CHRM1: variants seen among roughly 807,000 people sequenced by gnomAD.
The protein encoded by CHRM1 is muscarinic acetylcholine receptor M1.
Under a neutral mutation model 31.6 loss-of-function variants are expected in CHRM1, and 5 were observed. The observed-to-expected ratio is 0.16, with a 90% confidence interval of 0.08 to 0.33. The LOEUF is 0.33. Among genes scored for constraint, CHRM1 ranks in the 10% least tolerant of loss-of-function variants. The pLI, the probability that CHRM1 is intolerant of heterozygous loss-of-function variation, is 1.00. For missense variants in CHRM1, 338 were observed against 610.3 expected (o/e 0.55, Z 4.70); for synonymous variants, 227 against 249.7 (o/e 0.91, Z 0.86).
intron 1 of CHRM1, among the ~76,000 whole-genome samples, chr11:62,919,575 C>T (rs2085920042): frequency 6.6e-6 from 1 of 152,114 alleles, no homozygotes; most frequent in African/African-American, 2.4e-5. Flanking sequence ...TGGCTCCTTG[C>T]ACTCTCCTCC....
intron 1 of CHRM1, among the ~76,000 whole-genome samples, chr11:62,913,010 G>A (rs777210467): frequency 1.6e-4 from 24 of 152,194 alleles, no homozygotes; most frequent in Admixed American, 2.6e-4. Flanking sequence ...AGCGTGGCGA[G>A]TTCAGTGGGG....
rs1179988884 is a variant in CHRM1 at position 62,910,930 on chromosome 11, C to T, written c.171G>A (p.Lys57=). 1 of 1,614,186 alleles carries T rather than the reference C, an allele frequency of 6.2e-7. No homozygotes were observed. Among genetic ancestry groups the T allele is most frequent in the South Asian group, 1.1e-5 (1 of 91,082 alleles). The change falls in exon 2 of 2, where the codon AAG becomes AAA. Residue 57 remains lysine, a synonymous_variant. Transcript: ENST00000306960. The surrounding 1 kb of genome is among the most constrained non-coding windows in gnomAD (Gnocchi z 8.7). Reference sequence around the variant, plus strand: ...TCAGCAGGAAGTAGTTATTGACTGTCTTGAGCTCCGTGTTGACCTTGAAAG... The same window carrying T: ...TCAGCAGGAAGTAGTTATTGACTGTTTTGAGCTCCGTGTTGACCTTGAAAG... The part of the protein sequence containing the change: ...LISFKVNTEL[K]TVNNYFLLSL...
chr11:62,918,596 C>T (rs1460618150), intron 1 of CHRM1, among the ~76,000 whole-genome samples: 2 of 152,206 alleles, frequency 1.3e-5, no homozygotes, highest in African/African-American at 4.8e-5. Flanking sequence ...CCTCACCCGG[C>T]TGCAGGGAAG....
At position 62,911,175 on chromosome 11, in the gene CHRM1, T is replaced by A; in HGVS notation, c.-75A>T. The A allele has an allele frequency of 7.0e-7, 1 of 1,431,686 alleles. No homozygotes were observed. Among genetic ancestry groups the A allele is most frequent in the Non-Finnish European group, 9.6e-7 (1 of 1,047,014 alleles). The allele number at this position is 1,431,686 out of a possible 1,614,324, so 88.7% of individuals were successfully genotyped here. On this transcript the variant is annotated 5_prime_UTR_variant, in exon 2 of 2. It removes an upstream start codon present in the reference 5' UTR. Transcript: ENST00000306960. ...ACAGGGCTTCCTCAGGGGAAAGTCA[T>A]CACCTGAAAAGAGAGGACATGGGCT...
chr11:62,910,661 C>T lies in CHRM1; in HGVS notation c.440G>A (p.Gly147Asp), dbSNP rs2085865884. 6.2e-7 allele frequency: 1 copy of T among 1,614,046 alleles called. No homozygotes were observed. Among genetic ancestry groups the T allele is most frequent in the Admixed American group, 1.7e-5 (1 of 60,012 alleles). ...RTPRRAALMIGLAWLVSFVLW... is the reference protein window; with the variant it reads ...RTPRRAALMIDLAWLVSFVLW... ...CACAAAGGAAACCAGCCAGGCCAGGCCGATCATCAGAGCTGCCCGGCGGGG... is the reference window on the plus strand; with the variant it reads ...CACAAAGGAAACCAGCCAGGCCAGGTCGATCATCAGAGCTGCCCGGCGGGG... The change falls in exon 2 of 2, where the codon GGC becomes GAC. Residue 147 changes from glycine to aspartate, a missense_variant. Around this residue, in one of 4 missense-constraint regions of CHRM1, gnomAD observed 85 missense variants for 257.7 expected, o/e 0.33. Transcript: ENST00000306960. This position sits in a 1 kb window ranked among gnomAD's most constrained non-coding sequence, Gnocchi z 8.7.
intron 1 of CHRM1, 27 bp from the exon 2 acceptor site, chr11:62,911,205 T>A: frequency 3.6e-6 from 4 of 1,111,468 alleles, no homozygotes; most frequent in Non-Finnish European, 5.1e-6. Context: ...TGGGCTTTGG[T>A]TGGGCCACTG....
rs72931334 is a variant in CHRM1 at position 62,919,155 on chromosome 11, C to T, written c.-79+2063G>A. ...GCCTGACCCCAGAAGCCAGCCCATA[C>T]GAGGCAGCTCTCCCCTCGGGGTTAA... On this transcript the variant is annotated intron_variant, in intron 1 of 1. Coordinates refer to ENST00000306960, the MANE Select transcript of CHRM1 (RefSeq NM_000738.3). Among the ~76,000 whole-genome samples the T allele has an allele frequency of 8.1e-3, 1,229 of 152,212 alleles. 8 individuals are homozygous for T. The highest frequency in any genetic ancestry group is 0.041 in the Middle Eastern group (12 of 294).
Position 62,910,399 on chromosome 11 carries a change from C to T in CHRM1, c.702G>A (p.Gly234=). Residue 234 remains glycine, a synonymous_variant, in exon 2 of 2, where the codon GGG becomes GGA. Transcript: ENST00000306960. The surrounding 1 kb of genome is among the most constrained non-coding windows in gnomAD (Gnocchi z 8.7). ...TCTCTGAGCTGCTGCTGCTGCCACC[C>T]CCTTTGCCTGGCGTCTCGGAGCCCT... ...ALQGSETPGK[G]GGSSSSSERS... 6.2e-7 allele frequency: 1 copy of T among 1,611,868 alleles called. No homozygotes were observed. The highest frequency in any genetic ancestry group is 8.5e-7 in the Non-Finnish European group (1 of 1,180,014).
In CHRM1 at chr11:62,912,295, G is replaced by T. The variant is rs551460094; in HGVS notation, c.-78-1117C>A. ...AGGCAGGAGAATCGTTTGAACCTGGGAGGCGGAGGTTGCAGTGAGTCAAGA... is the reference window on the plus strand; with the variant it reads ...AGGCAGGAGAATCGTTTGAACCTGGTAGGCGGAGGTTGCAGTGAGTCAAGA... On this transcript the variant is annotated intron_variant, in intron 1 of 1. Transcript: ENST00000306960. Among the ~76,000 whole-genome samples the T allele has an allele frequency of 1.1e-4, 17 of 150,556 alleles. No homozygotes were observed. The South Asian group carries it at 2.3e-3, about 21-fold the overall frequency.
chr11:62,916,046 G>A (rs566984265), intron 1 of CHRM1, among the ~76,000 whole-genome samples: 2 of 152,208 alleles, frequency 1.3e-5, no homozygotes, highest in East Asian at 3.9e-4. Context: ...CTGACCTCAG[G>A]TGATCCACCT....
In CHRM1 at chr11:62,910,699, A is replaced by T; in HGVS notation, c.402T>A (p.Arg134=). The T allele has an allele frequency of 6.2e-7, 1 of 1,614,100 alleles. No individual in the cohort carries two copies. The highest frequency in any genetic ancestry group is 8.5e-7 in the Non-Finnish European group (1 of 1,179,994). ...CTGCCCGGCGGGGTGTGCGCTTGGCACGGTAGCTCAGGGGCCGAGTCACGG... is the reference window on the plus strand; with the variant it reads ...CTGCCCGGCGGGGTGTGCGCTTGGCTCGGTAGCTCAGGGGCCGAGTCACGG... The part of the protein sequence containing the change: ...YFSVTRPLSY[R]AKRTPRRAAL... Residue 134 remains arginine (R), a synonymous_variant, in exon 2 of 2, where the codon CGT becomes CGA. Coordinates refer to ENST00000306960, the MANE Select transcript of CHRM1 (RefSeq NM_000738.3). This position sits in a 1 kb window ranked among gnomAD's most constrained non-coding sequence, Gnocchi z 8.7.
At position 62,909,355 on chromosome 11, in the gene CHRM1, A is replaced by C; in HGVS notation, c.*363T>G. 1 of 222,558 alleles carries C rather than the reference A, an allele frequency of 4.5e-6. No individual in the cohort carries two copies. The highest frequency in any genetic ancestry group is 8.9e-6 in the Non-Finnish European group (1 of 112,434). 13.8% of individuals were successfully genotyped at this position (222,558 alleles called of 1,614,324 possible). A position where few individuals can be genotyped will look rare whatever the true frequency, so the allele number is the denominator to read the frequency against. On this transcript the variant is annotated 3_prime_UTR_variant, in exon 2 of 2. Coordinates refer to ENST00000306960, the MANE Select transcript of CHRM1 (RefSeq NM_000738.3). ...CGCAATCTGGGCCGCTGCTGGGCCA[A>C]GGAATACTTAATGTTAAGCCTTCTT...
Position 62,910,747 on chromosome 11 carries a change from G to C in CHRM1, c.354C>G (p.Leu118=). ...ASNASVMNLL[L]ISFDRYFSVT... The stretch of plus-strand genomic sequence containing the variant: ...CGGAGAAGTAGCGGTCAAAGCTGAT[G>C]AGCAGCAGATTCATGACGGAGGCAT... Residue 118 remains leucine, a synonymous_variant, in exon 2 of 2, where the codon CTC becomes CTG. Transcript: ENST00000306960. This position sits in a 1 kb window ranked among gnomAD's most constrained non-coding sequence, Gnocchi z 8.7. 1 of 1,614,184 alleles carries C rather than the reference G, an allele frequency of 6.2e-7. No homozygotes were observed. Among genetic ancestry groups the C allele is most frequent in the African/African-American group, 1.3e-5 (1 of 75,050 alleles).
At position 62,910,390 on chromosome 11, in the gene CHRM1, G is replaced by A. The variant is rs2085864066; in HGVS notation, c.711C>T (p.Ser237=). The A allele has an allele frequency of 6.2e-7, 1 of 1,611,002 alleles. No homozygotes were observed. The highest frequency in any genetic ancestry group is 1.3e-5 in the African/African-American group (1 of 74,932). The part of the protein sequence containing the change: ...GSETPGKGGG[S]SSSSERSQPG... ...GCTGAGACCTCTCTGAGCTGCTGCT[G>A]CTGCCACCCCCTTTGCCTGGCGTCT... Residue 237 remains serine (S), a synonymous_variant, in exon 2 of 2, where the codon AGC becomes AGT. Transcript: ENST00000306960. The surrounding 1 kb of genome is among the most constrained non-coding windows in gnomAD (Gnocchi z 8.7).
In CHRM1 at chr11:62,917,476, T is replaced by C. The variant is rs369267094; in HGVS notation, c.-79+3742A>G. On this transcript the variant is annotated intron_variant, in intron 1 of 1. Transcript: ENST00000306960. The stretch of plus-strand genomic sequence containing the variant: ...GGCAGTCCTTGGCACTGCCTCTGCC[T>C]AGCTGCCAGCTCTTGTCTTGCTATG... Among the ~76,000 whole-genome samples the C allele has an allele frequency of 2.1e-4, 32 of 152,324 alleles. No homozygotes were observed. The East Asian group carries it at 2.3e-3, about 11-fold the overall frequency.
At position 62,911,109 on chromosome 11, in the gene CHRM1, G is replaced by A. The variant is rs768947856; in HGVS notation, c.-9C>T. On this transcript the variant is annotated 5_prime_UTR_variant, in exon 2 of 2. Coordinates refer to ENST00000306960, the MANE Select transcript of CHRM1 (RefSeq NM_000738.3). ...GGGGCTGAAGTGTTCATGGTGGCTAGGTGGGGCTGGGGTTGGAGAGCCCCT... is the reference window on the plus strand; with the variant it reads ...GGGGCTGAAGTGTTCATGGTGGCTAAGTGGGGCTGGGGTTGGAGAGCCCCT... 1.4e-5 allele frequency: 22 copies of A among 1,611,392 alleles called. No homozygotes were observed. In the South Asian group the frequency reaches 1.4e-4, roughly 10 times the overall value.
rs1335535347 is a variant in CHRM1, at chr11:62,909,970, G to A, written c.1131C>T (p.Thr377=). 6.2e-7 allele frequency: 1 copy of A among 1,614,190 alleles called. No individual in the cohort carries two copies. The change falls in exon 2 of 2, where the codon ACC becomes ACT. Residue 377 remains threonine, a synonymous_variant. Coordinates refer to ENST00000306960, the MANE Select transcript of CHRM1 (RefSeq NM_000738.3). ...LSAILLAFIL[T]WTPYNIMVLV... ...GCACCATGATGTTGTACGGTGTCCAGGTGAGGATGAAGGCCAGGAGGATGG... is the reference window on the plus strand; with the variant it reads ...GCACCATGATGTTGTACGGTGTCCAAGTGAGGATGAAGGCCAGGAGGATGG...
intron 1 of CHRM1, among the ~76,000 whole-genome samples, chr11:62,911,621 T>C (rs1188264527): frequency 6.6e-6 from 1 of 152,214 alleles, no homozygotes; most frequent in East Asian, 1.9e-4. Flanking sequence ...AAATGAATTA[T>C]CTAATTTAAC....
Position 62,911,049 on chromosome 11 carries a change from G to A in CHRM1, c.52C>T (p.Pro18Ser). The A allele has an allele frequency of 6.2e-7, 1 of 1,614,152 alleles. No individual in the cohort carries two copies. Among genetic ancestry groups the A allele is most frequent in the Non-Finnish European group, 8.5e-7 (1 of 1,180,016 alleles). Reference protein sequence around the residue: ...AVSPNITVLAPGKGPWQVAFI... With the variant: ...AVSPNITVLASGKGPWQVAFI... The stretch of plus-strand genomic sequence containing the variant: ...GCCACTTGCCAGGGACCCTTTCCTG[G>A]TGCCAGGACGGTGATGTTGGGGCTG... The change falls in exon 2 of 2, where the codon CCA becomes TCA. Residue 18 changes from proline (P) to serine (S), a missense_variant. Pro to Ser is a moderately conservative substitution (Grantham distance 74). Around this residue, in one of 4 missense-constraint regions of CHRM1, gnomAD observed 85 missense variants for 257.7 expected, o/e 0.33. Coordinates refer to ENST00000306960, the MANE Select transcript of CHRM1 (RefSeq NM_000738.3).
Sources: gnomAD v4.1 joint callset for allele counts (sites outside exome capture counted in the v4.1 genomes callset) on GRCh38, gnomAD v4.1.1 for gene constraint, gnomAD v4.1.1 regional missense constraint, Gnocchi (gnomAD v3.1) non-coding constraint, MANE v1.5 for transcripts, NCBI Gene and HGNC (gene_info 2026-07-23, HGNC 2026-07-21) for gene names.